USH2A: variants seen among roughly 807,000 people sequenced by gnomAD.
USH2A encodes the protein Usher syndrome 2A (autosomal recessive, mild).
In USH2A, 443 loss-of-function variants were observed where a neutral mutation model predicts 538.9. The observed-to-expected ratio is 0.82, with a 90% CI of 0.76 to 0.89. The LOEUF is 0.89. Among genes scored for constraint, USH2A ranks in the 40% least tolerant of loss-of-function variants. The pLI is 0.00. For synonymous variants in USH2A, 2,413 were observed against 2,273.5 expected, an observed-to-expected ratio of 1.06 and a Z score of -1.75; for missense variants, 6,633 against 6,324.8, an observed-to-expected ratio of 1.05 and a Z score of -1.65.
At chr1:216,052,596 A>G (rs939538651) in intron 30 of USH2A, among the ~76,000 whole-genome samples, 2 of 152,162 alleles carry the variant, frequency 1.3e-5, no homozygotes, top group Non-Finnish European at 2.9e-5. Context: ...CCTTAAAGGC[A>G]GTTAGAATTA....
intron 44 of USH2A, among the ~76,000 whole-genome samples, chr1:215,853,702 C>G (rs1166231659): frequency 6.6e-6 from 1 of 152,162 alleles, no homozygotes; most frequent in East Asian, 1.9e-4. Flanking sequence ...CCTAAATAAT[C>G]TCTCTCAAGT....
intron 9 of USH2A, among the ~76,000 whole-genome samples, chr1:216,303,965 A>G (rs1020849853): frequency 6.6e-6 from 1 of 152,002 alleles, no homozygotes; most frequent in Non-Finnish European, 1.5e-5. Context: ...CATTGTGAAT[A>G]GAGTCACCTC....
chr1:216,347,030 GATAAA>G (rs1474281605), intron 4 of USH2A, among the ~76,000 whole-genome samples: 5 of 151,958 alleles, frequency 3.3e-5, no homozygotes, highest in Admixed American at 2.6e-4. Context: ...AAAAATTATT[GATAAA>G]ATAAAGACAT....
At chr1:216,294,748 T>G (rs889267825) in intron 9 of USH2A, among the ~76,000 whole-genome samples, 5 of 151,972 alleles carry the variant, frequency 3.3e-5, no homozygotes, top group Non-Finnish European at 7.4e-5. Flanking sequence ...TTGTTATATC[T>G]TCACTATTTT....
At chr1:215,943,505 A>G (rs17025680) in intron 37 of USH2A, among the ~76,000 whole-genome samples, 4,884 of 152,218 alleles carry the variant, frequency 0.032, 122 homozygotes, top group South Asian at 0.083. Flanking sequence ...ATGATTAGAA[A>G]CATAACTTAA....
At chr1:215,980,504 C>G (rs888789269) in intron 35 of USH2A, among the ~76,000 whole-genome samples, 6 of 152,006 alleles carry the variant, frequency 3.9e-5, no homozygotes, top group Admixed American at 3.9e-4. Context: ...AAGCAAAAGG[C>G]CATGTAACCA....
At chr1:216,268,811 C>T (rs1332889277) in intron 11 of USH2A, among the ~76,000 whole-genome samples, 1 of 152,064 alleles carries the variant, frequency 6.6e-6, no homozygotes, top group Non-Finnish European at 1.5e-5. Flanking sequence ...CTTCAGGTCT[C>T]AAGTGAAATG....
intron 20 of USH2A, among the ~76,000 whole-genome samples, chr1:216,178,945 G>A (rs1017414629): frequency 1.3e-5 from 2 of 152,098 alleles, no homozygotes; most frequent in African/African-American, 2.4e-5. Flanking sequence ...TACATATTTG[G>A]TGTGTTGAGG....
chr1:215,691,313 T>G (rs987946912), intron 61 of USH2A, among the ~76,000 whole-genome samples: 6 of 152,206 alleles, frequency 3.9e-5, no homozygotes, highest in Non-Finnish European at 5.9e-5. Context: ...AATCAAAGCC[T>G]GTTCTTTCTG....
At chr1:216,152,722 G>A (rs2033864390) in intron 21 of USH2A, among the ~76,000 whole-genome samples, 1 of 152,304 alleles carries the variant, frequency 6.6e-6, no homozygotes, top group South Asian at 2.1e-4. Context: ...GTCTACTGGT[G>A]ATAAAGACAG....
At chr1:215,657,068 A>G (rs770160321) in intron 64 of USH2A, among the ~76,000 whole-genome samples, 1 of 152,272 alleles carries the variant, frequency 6.6e-6, no homozygotes, top group Non-Finnish European at 1.5e-5. Context: ...GGCTAAGGCC[A>G]ACAGCTAATT....
intron 3 of USH2A, among the ~76,000 whole-genome samples, chr1:216,404,406 A>T (rs915067297): frequency 6.6e-6 from 1 of 152,160 alleles, no homozygotes; most frequent in Non-Finnish European, 1.5e-5. Context: ...TATAGCTCAC[A>T]GTACTCAAGA....
intron 35 of USH2A, among the ~76,000 whole-genome samples, chr1:215,973,890 T>C (rs577161455): frequency 1.3e-5 from 2 of 151,566 alleles, no homozygotes; most frequent in African/African-American, 4.9e-5. Context: ...CCAGGATGTA[T>C]CTAATTGAGA....
intron 1 of USH2A, 77 bp downstream of exon 1, chr1:216,423,137 A>G (rs1215055397): frequency 6.6e-6 from 1 of 152,144 alleles, no homozygotes; most frequent in Non-Finnish European, 1.5e-5. Context: ...GTTTCCTCAT[A>G]TGACTATGAA....
intron 64 of USH2A, among the ~76,000 whole-genome samples, chr1:215,666,867 G>T (rs531821976): frequency 1.0e-3 from 159 of 152,202 alleles, no homozygotes; most frequent in African/African-American, 3.7e-3. Flanking sequence ...TGAGGCGGGT[G>T]GATCATGAGG....
chr1:216,341,698 T>A (rs1054611399), intron 4 of USH2A, among the ~76,000 whole-genome samples: 1 of 152,110 alleles, frequency 6.6e-6, no homozygotes, highest in Non-Finnish European at 1.5e-5. Flanking sequence ...ACCACACTTC[T>A]ACAACCATCT....
At chr1:216,164,139 C>T (rs901189781) in intron 21 of USH2A, among the ~76,000 whole-genome samples, 8 of 152,020 alleles carry the variant, frequency 5.3e-5, no homozygotes, top group African/African-American at 1.9e-4. Flanking sequence ...TTTACGACAG[C>T]AATCATAACA....
chr1:215,952,915 C>T (rs889513738), intron 37 of USH2A, among the ~76,000 whole-genome samples: 1 of 152,040 alleles, frequency 6.6e-6, no homozygotes, highest in African/African-American at 2.4e-5. Flanking sequence ...TCTTATACAC[C>T]AATAACAGAC....
intron 4 of USH2A, 45 bp downstream of exon 4, chr1:216,364,908 A>G: frequency 3.1e-6 from 5 of 1,610,606 alleles, no homozygotes; most frequent in Middle Eastern, 1.7e-4. Flanking sequence ...TTTAAGAACA[A>G]TGTAATTGGA....
Sources: gnomAD v4.1 joint callset for allele counts (sites outside exome capture counted in the v4.1 genomes callset) on GRCh38, gnomAD v4.1.1 for gene constraint, MANE v1.5 for transcripts, NCBI Gene and HGNC (gene_info 2026-07-23, HGNC 2026-07-21) for gene names.